The following IL23R variants were observed in gnomAD, a reference collection of about 807,000 sequenced individuals.
IL23R encodes interleukin-23 receptor.
In IL23R, 34 loss-of-function variants were observed where a neutral mutation model predicts 56.9. The observed-to-expected ratio is 0.60, with a 90% CI of 0.45 to 0.80. The LOEUF is 0.80. IL23R is among the 30% of genes least tolerant of loss of function. The pLI is 0.00. For synonymous variants in IL23R, 230 were observed against 249.2 expected (o/e 0.92, Z 0.73); for missense variants, 635 against 730.0 (o/e 0.87, Z 1.50).
intron 4 of IL23R, among the ~76,000 whole-genome samples, chr1:67,191,788 T>G (rs1039288583): frequency 6.6e-6 from 1 of 152,210 alleles, no homozygotes; most frequent in African/African-American, 2.4e-5. Flanking sequence ...ATCTTACTTA[T>G]GAAACATTTA....
At chr1:67,203,235 C>T (rs2102627952) in intron 5 of IL23R, among the ~76,000 whole-genome samples, 1 of 152,306 alleles carries the variant, frequency 6.6e-6, no homozygotes. Context: ...AACAACCATA[C>T]ATGATACTAC....
intron 5 of IL23R, among the ~76,000 whole-genome samples, chr1:67,205,915 C>CTTTCTTTCTTTCTTTCTTTTTCTTTCTT (rs58824749): frequency 1.6e-5 from 2 of 123,134 alleles, no homozygotes; most frequent in Admixed American, 1.7e-4. Flanking sequence ...TTCTTTCTTT[C>CTTTCTTTCTTTCTTTCTTTTTCTTTCTT]TTTCTTTCTT....
At chr1:67,182,749 G>T in intron 3 of IL23R, 87 bp from the exon 4 acceptor site, 1 of 1,400,908 alleles carries the variant, frequency 7.1e-7, no homozygotes, top group Non-Finnish European at 1.0e-6. Flanking sequence ...CTGTAGACTG[G>T]AGCTGTTCCT....
intron 1 of IL23R, among the ~76,000 whole-genome samples, chr1:67,150,360 C>T (rs1330468545): frequency 3.3e-5 from 5 of 149,780 alleles, no homozygotes; most frequent in South Asian, 4.2e-4. Context: ...ACTATCAACC[C>T]GTCATCTAGA....
At chr1:67,246,331 A>G (rs1652220962) in intron 9 of IL23R, among the ~76,000 whole-genome samples, 1 of 151,926 alleles carries the variant, frequency 6.6e-6, no homozygotes, top group Non-Finnish European at 1.5e-5. Context: ...CTCTGATCTT[A>G]GTTACTTCTT....
chr1:67,140,264 T>C (rs1209863541), intron 1 of IL23R, among the ~76,000 whole-genome samples: 1 of 152,210 alleles, frequency 6.6e-6, no homozygotes, highest in Non-Finnish European at 1.5e-5. Flanking sequence ...TCTGATTTCA[T>C]AAATATTTAA....
intron 6 of IL23R, among the ~76,000 whole-genome samples, chr1:67,209,473 T>G (rs1213770157): frequency 6.6e-6 from 1 of 152,192 alleles, no homozygotes; most frequent in Non-Finnish European, 1.5e-5. Flanking sequence ...ACTATTCTCA[T>G]GATAGTGAAT....
intron 6 of IL23R, among the ~76,000 whole-genome samples, chr1:67,209,456 T>C (rs1196132815): frequency 6.6e-6 from 1 of 152,196 alleles, no homozygotes; most frequent in Non-Finnish European, 1.5e-5. Context: ...GAGCCCGTCT[T>C]TCCCATACTA....
chr1:67,163,827 G>A (rs1365256441), upstream of IL23R, among the ~76,000 whole-genome samples: 2 of 152,176 alleles, frequency 1.3e-5, no homozygotes, highest in African/African-American at 4.8e-5. Flanking sequence ...ATAGAACTGT[G>A]AGCCAATTAA....
intron 5 of IL23R, among the ~76,000 whole-genome samples, chr1:67,204,130 C>G (rs1247061479): frequency 2.0e-5 from 3 of 152,020 alleles, no homozygotes; most frequent in Admixed American, 6.6e-5. Flanking sequence ...GTGGCGCGAT[C>G]TCGGCTCACT....
intron 4 of IL23R, among the ~76,000 whole-genome samples, chr1:67,185,072 A>G (rs1197376801): frequency 6.6e-5 from 10 of 152,362 alleles, no homozygotes; most frequent in African/African-American, 2.4e-4. Flanking sequence ...CCAAGCCTCC[A>G]GAACTGTAAA....
chr1:67,243,174 A>G (rs1570913997), intron 9 of IL23R, among the ~76,000 whole-genome samples: 1 of 152,266 alleles, frequency 6.6e-6, no homozygotes, highest in Admixed American at 6.5e-5. Flanking sequence ...CCTCTTGAAT[A>G]CCAGTTGTTT....
In IL23R at chr1:67,259,019, T is replaced by A. The variant is rs1432011679; in HGVS notation, c.1781T>A (p.Phe594Tyr). The change falls in exon 11 of 11, where the codon TTT (phenylalanine) becomes TAT (tyrosine). Residue 594 changes from phenylalanine to tyrosine, a missense_variant. Phe to Tyr is a conservative substitution (Grantham distance 22, BLOSUM62 3). Coordinates refer to ENST00000347310, the MANE Select transcript of IL23R (RefSeq NM_144701.3). ...GAACAGACCCTGCTTCCTGATGAAT[T>A]TGTCTCCTGTTTGGGGATCGTGAAT... ...IPEQTLLPDE[F>Y]VSCLGIVNEE... The A allele has an allele frequency of 1.9e-6, 3 of 1,613,928 alleles. No homozygotes were observed. The highest frequency in any genetic ancestry group is 2.5e-6 in the Non-Finnish European group (3 of 1,179,992).
At chr1:67,257,645 T>C (rs79991829) in intron 10 of IL23R, among the ~76,000 whole-genome samples, 392 of 152,308 alleles carry the variant, frequency 2.6e-3, no homozygotes, top group Non-Finnish European at 4.9e-3. Context: ...GCTAAAACCT[T>C]CACCCACCCT....
intron 7 of IL23R, among the ~76,000 whole-genome samples, chr1:67,228,380 T>TTTTTTTTTTTG (rs1650882799): frequency 3.2e-5 from 4 of 123,324 alleles, no homozygotes; most frequent in African/African-American, 9.6e-5. Context: ...TTTTTTTTTG[T>TTTTTTTTTTTG]AGAGACAGGG....
intron 1 of IL23R, among the ~76,000 whole-genome samples, chr1:67,143,769 C>T (rs1018273163): frequency 2.6e-5 from 4 of 152,178 alleles, no homozygotes; most frequent in African/African-American, 9.7e-5. Context: ...TTCTATGAAG[C>T]TGTAGGTGAC....
At chr1:67,218,682 G>T (rs577381676) in intron 6 of IL23R, among the ~76,000 whole-genome samples, 45 of 152,132 alleles carry the variant, frequency 3.0e-4, no homozygotes, top group African/African-American at 1.0e-3. Context: ...TCAACACTTT[G>T]GGAGGCCAAG....
intron 4 of IL23R, among the ~76,000 whole-genome samples, chr1:67,184,155 A>C (rs1180863020): frequency 6.6e-6 from 1 of 152,134 alleles, no homozygotes; most frequent in East Asian, 1.9e-4. Context: ...GAATTGCTTG[A>C]ACCCAGGAGG....
At chr1:67,176,292 A>T (rs1027286983) in intron 3 of IL23R, among the ~76,000 whole-genome samples, 4 of 152,202 alleles carry the variant, frequency 2.6e-5, no homozygotes, top group African/African-American at 7.2e-5. Context: ...GTCAAGTATA[A>T]GAAGAAGAGG....
Sources: allele counts gnomAD v4.1 joint callset (sites outside exome capture counted in the v4.1 genomes callset), GRCh38; gene constraint gnomAD v4.1.1; transcripts MANE v1.5; gene names NCBI Gene and HGNC (gene_info 2026-07-23, HGNC 2026-07-21).